The following RBPMS variants were observed in gnomAD, a reference collection of about 807,000 sequenced individuals.
RBPMS encodes the protein RNA binding protein, mRNA processing factor, also known as RNA-binding protein with multiple splicing.
A neutral mutation model predicts 26.8 loss-of-function variants in RBPMS; 7 were observed. That is an observed-to-expected ratio of 0.26 (90% CI 0.15 to 0.49). The LOEUF is 0.49. RBPMS is among the 20% of genes least tolerant of loss of function. RBPMS has a pLI of 0.98. For synonymous variants in RBPMS, 96 were observed against 93.3 expected (o/e 1.03, Z -0.17); for missense variants, 186 against 250.0 (o/e 0.74, Z 1.73).
chr8:30,560,757 T>C (rs998462546), intron 7 of RBPMS, among the ~76,000 whole-genome samples: 1 of 152,154 alleles, frequency 6.6e-6, no homozygotes, highest in Non-Finnish European at 1.5e-5. Context: ...TGGTACACGG[T>C]GTTCCTCAAG....
At chr8:30,512,885 G>T (rs192451468) in intron 5 of RBPMS, among the ~76,000 whole-genome samples, 7 of 152,178 alleles carry the variant, frequency 4.6e-5, no homozygotes. Context: ...GAGGAGTTCA[G>T]TTAGTGGTAA....
rs557311844 is a variant in RBPMS at position 30,476,281 on chromosome 8, G to T, written c.144+1425G>T. ...AGCCAAGATTCAAACCAAGCAGTCT[G>T]ACTCTGCCCTCTCTGTTCTGAACTA... On this transcript the variant is annotated intron_variant, in intron 2 of 8. Transcript: ENST00000397323. Among the ~76,000 whole-genome samples the T allele has an allele frequency of 7.2e-5, 11 of 152,300 alleles. No individual in the cohort carries two copies. The South Asian group carries it at 2.3e-3, about 32-fold the overall frequency.
intron 1 of RBPMS, among the ~76,000 whole-genome samples, chr8:30,446,182 C>G (rs1813741710): frequency 6.6e-6 from 1 of 152,222 alleles, no homozygotes; most frequent in East Asian, 1.9e-4. Flanking sequence ...ATGATTTTAT[C>G]GTTTTATTAT....
At chr8:30,570,337 ACATGC>A (rs1240786135) in intron 8 of RBPMS, among the ~76,000 whole-genome samples, 2 of 152,208 alleles carry the variant, frequency 1.3e-5, no homozygotes, top group Non-Finnish European at 1.5e-5. Context: ...AACGTGTGTG[ACATGC>A]TGGTAAGATG....
intron 8 of RBPMS, among the ~76,000 whole-genome samples, chr8:30,569,967 G>A (rs977771326): frequency 2.0e-5 from 3 of 152,182 alleles, no homozygotes; most frequent in Non-Finnish European, 2.9e-5. Context: ...GCTCTGCCTG[G>A]CTTGCCCCTG....
Position 30,529,212 on chromosome 8 carries a change from T to G in RBPMS, c.398-15282T>G, listed in dbSNP as rs1483208915. On this transcript the variant is annotated intron_variant, in intron 5 of 8. Coordinates refer to ENST00000397323, the MANE Select transcript of RBPMS (RefSeq NM_001008710.3). ...CAGCCTGGGCAACAGCGAGATTCTG[T>G]CTCAAGGAAAAAAAAAAAATTGTGG... Among the ~76,000 whole-genome samples the G allele has an allele frequency of 2.0e-5, 3 of 151,610 alleles. No individual in the cohort carries two copies. In the East Asian group the frequency reaches 5.8e-4, roughly 29 times the overall value.
chr8:30,546,315 C>T (rs2151053887), intron 6 of RBPMS, among the ~76,000 whole-genome samples: 1 of 152,334 alleles, frequency 6.6e-6, no homozygotes, highest in Admixed American at 6.5e-5. Flanking sequence ...CAAAGCCTTT[C>T]ACCCTTACCC....
chr8:30,446,843 G>GTA (rs1563326509), intron 1 of RBPMS: 1,012 of 57,872 alleles, frequency 0.017, 18 homozygotes, highest in Non-Finnish European at 0.023. Flanking sequence ...GTGTGTGTGT[G>GTA]CGCGCGCGCG....
chr8:30,493,085 C>T (rs911891278), intron 4 of RBPMS, among the ~76,000 whole-genome samples: 5 of 152,166 alleles, frequency 3.3e-5, no homozygotes, highest in Non-Finnish European at 7.3e-5. Flanking sequence ...TGAAGTTGGC[C>T]ATTAAAATTC....
At position 30,413,866 on chromosome 8, in the gene RBPMS, C is replaced by T. The variant is rs192795171; in HGVS notation, c.66+28708C>T. On this transcript the variant is annotated intron_variant, in intron 1 of 8. Transcript: ENST00000397323. ...GACCTCATGATCTGCCTGCCTCAGC[C>T]TCTCAAAGTGTTGGGATTACAGGCG... Among the ~76,000 whole-genome samples, 205 of 152,280 alleles carry T rather than the reference C, an allele frequency of 1.3e-3. 3 individuals are homozygous for T. The highest frequency in any genetic ancestry group is 4.8e-3 in the African/African-American group (198 of 41,550).
chr8:30,491,761 G>C (rs1819423937), intron 4 of RBPMS, among the ~76,000 whole-genome samples: 1 of 152,106 alleles, frequency 6.6e-6, no homozygotes, highest in African/African-American at 2.4e-5. Flanking sequence ...AGAAAGTTAA[G>C]ATAGGTCCTC....
intron 6 of RBPMS, chr8:30,545,436 C>G: frequency 9.9e-7 from 1 of 1,014,742 alleles, no homozygotes; most frequent in Non-Finnish European, 1.2e-6. Context: ...CTTTGGCCTG[C>G]AAAGATTGAT....
intron 5 of RBPMS, among the ~76,000 whole-genome samples, chr8:30,515,137 A>G (rs775428711): frequency 2.6e-4 from 40 of 152,042 alleles, no homozygotes; most frequent in Non-Finnish European, 4.9e-4. Context: ...AGACCCAGCT[A>G]ATTTTTAAAC....
intron 1 of RBPMS, among the ~76,000 whole-genome samples, chr8:30,470,858 C>T (rs900512475): frequency 3.3e-5 from 5 of 152,120 alleles, no homozygotes; most frequent in Middle Eastern, 3.2e-3. Flanking sequence ...TTTTCTTTTT[C>T]CCCATGTATG....
In RBPMS at chr8:30,497,227, T is replaced by C. The variant is rs189360528; in HGVS notation, c.247-7059T>C. On this transcript the variant is annotated intron_variant, in intron 4 of 8. Transcript: ENST00000397323. ...TTGTGGTCCCCAGGATATTTCCTTT[T>C]CTTGTGACCAAAACGCTCTTTGAAA... 1.3e-4 allele frequency among the ~76,000 whole-genome samples: 20 copies of C among 152,322 alleles called. 1 individual carries two copies. The highest frequency in any genetic ancestry group is 1.3e-3 in the Admixed American group (20 of 15,300).
Position 30,538,135 on chromosome 8 carries a change from G to A in RBPMS, c.398-6359G>A, listed in dbSNP as rs1035755120. On this transcript the variant is annotated intron_variant, in intron 5 of 8. Transcript: ENST00000397323. ...AATAGAAATAGTGGAGAGCCAAGCC[G>A]AGACTTGATTTCTCCTCATGACTGC... 3.3e-5 allele frequency among the ~76,000 whole-genome samples: 5 copies of A among 152,286 alleles called. No homozygotes were observed. The East Asian group carries it at 7.7e-4, about 24-fold the overall frequency.
At chr8:30,452,239 T>G (rs527438835) in intron 1 of RBPMS, among the ~76,000 whole-genome samples, 1 of 152,280 alleles carries the variant, frequency 6.6e-6, no homozygotes, top group South Asian at 2.1e-4. Context: ...CTGTCATAAG[T>G]GGCCAGAAAT....
chr8:30,561,525 G>A (rs182206546), intron 7 of RBPMS, among the ~76,000 whole-genome samples: 75 of 152,320 alleles, frequency 4.9e-4, no homozygotes, highest in African/African-American at 1.8e-3. Flanking sequence ...AGAAGGCATG[G>A]CTTGAAACAC....
intron 1 of RBPMS, among the ~76,000 whole-genome samples, chr8:30,473,062 G>A (rs991420705): frequency 3.9e-5 from 6 of 152,314 alleles, no homozygotes; most frequent in Middle Eastern, 3.4e-3. Context: ...CTGTGTTTGA[G>A]TAGAGAAAAA....
Sources: allele counts gnomAD v4.1 joint callset (sites outside exome capture counted in the v4.1 genomes callset), GRCh38; gene constraint gnomAD v4.1.1; transcripts MANE v1.5; gene names NCBI Gene and HGNC (gene_info 2026-07-23, HGNC 2026-07-21).